Variants in KALRN observed in about 807,000 individuals in gnomAD.
KALRN encodes kalirin.
A neutral mutation model predicts 353.7 loss-of-function variants in KALRN; 70 were observed. The observed-to-expected ratio is 0.20, with a 90% CI of 0.16 to 0.24. The LOEUF (loss-of-function observed/expected upper bound fraction) is 0.24. Ranked by LOEUF, KALRN falls within the 10% of genes least tolerant of loss-of-function variation. KALRN has a pLI of 1.00. For synonymous variants in KALRN, 1,391 were observed against 1,434.8 expected, an observed-to-expected ratio of 0.97 and a Z score of 0.69; for missense variants, 2,791 against 3,756.7, an observed-to-expected ratio of 0.74 and a Z score of 6.72.
intron 1 of KALRN, among the ~76,000 whole-genome samples, chr3:124,108,044 T>C (rs1434221753): frequency 6.6e-6 from 1 of 152,200 alleles, no homozygotes; most frequent in African/African-American, 2.4e-5. Context: ...ATATATAAGA[T>C]AATGGGAGCC....
At chr3:124,194,809 G>C (rs546654697) in intron 1 of KALRN, among the ~76,000 whole-genome samples, 1 of 152,048 alleles carries the variant, frequency 6.6e-6, no homozygotes. Context: ...TCAGATTTCA[G>C]CTTGGCCCTG....
intron 33 of KALRN, among the ~76,000 whole-genome samples, chr3:124,532,173 A>G (rs1389768861): frequency 6.6e-6 from 1 of 152,230 alleles, no homozygotes; most frequent in Non-Finnish European, 1.5e-5. Context: ...CCCCAATAGC[A>G]GAGTCACTGA....
intron 3 of KALRN, among the ~76,000 whole-genome samples, chr3:124,238,365 A>G (rs1429476111): frequency 6.6e-6 from 1 of 152,198 alleles, no homozygotes; most frequent in African/African-American, 2.4e-5. Context: ...CCCACATGGA[A>G]GCTGTCTAGC....
intron 34 of KALRN, among the ~76,000 whole-genome samples, chr3:124,621,977 A>G (rs2079321629): frequency 6.6e-6 from 1 of 152,252 alleles, no homozygotes. Context: ...TTCTCTAGAT[A>G]TTCAATTTCC....
intron 38 of KALRN, among the ~76,000 whole-genome samples, chr3:124,653,130 G>A (rs1044094035): frequency 2.6e-5 from 4 of 152,146 alleles, no homozygotes; most frequent in African/African-American, 9.7e-5. Context: ...TTATGGTCTT[G>A]ATGAAAGGGT....
At chr3:124,235,267 G>C (rs567072328) in intron 3 of KALRN, among the ~76,000 whole-genome samples, 3 of 152,118 alleles carry the variant, frequency 2.0e-5, no homozygotes, top group Admixed American at 2.0e-4. Context: ...AGTGAAAATT[G>C]GTTCTTGGGG....
chr3:124,294,900 A>G (rs955779703), intron 5 of KALRN, among the ~76,000 whole-genome samples: 6 of 152,142 alleles, frequency 3.9e-5, no homozygotes, highest in South Asian at 2.1e-4. Context: ...GCAAACCACT[A>G]TCTCTTCAAA....
At chr3:124,591,409 G>T (rs1044492969) in intron 34 of KALRN, among the ~76,000 whole-genome samples, 2 of 152,118 alleles carry the variant, frequency 1.3e-5, no homozygotes, top group Non-Finnish European at 2.9e-5. Flanking sequence ...AAGTGCTGAG[G>T]TTACAGGTGT....
intron 6 of KALRN, among the ~76,000 whole-genome samples, chr3:124,301,463 G>C (rs143077482): frequency 6.6e-6 from 1 of 152,246 alleles, no homozygotes. Context: ...GGCTTCCTTG[G>C]CCTGATTAGG....
At chr3:124,718,448 T>C (rs964052346) in intron 59 of KALRN, among the ~76,000 whole-genome samples, 1 of 152,156 alleles carries the variant, frequency 6.6e-6, no homozygotes, top group Non-Finnish European at 1.5e-5. Flanking sequence ...AAAGAGAATC[T>C]GGGCTGTCAC....
chr3:124,650,962 C>T (rs1385195868), intron 38 of KALRN, 24 bp downstream of exon 38: 2 of 1,613,238 alleles, frequency 1.2e-6, no homozygotes, highest in Non-Finnish European at 8.5e-7. Context: ...CCAGTTCCTC[C>T]CTGTGGTGCA....
chr3:124,056,678 A>G (rs574035573), intron 1 of KALRN, among the ~76,000 whole-genome samples: 1 of 152,288 alleles, frequency 6.6e-6, no homozygotes, highest in South Asian at 2.1e-4. Context: ...CACAAAACGT[A>G]CAACAACCTG....
chr3:124,471,867 T>C (rs888180485), intron 25 of KALRN, among the ~76,000 whole-genome samples: 5 of 149,416 alleles, frequency 3.3e-5, no homozygotes, highest in African/African-American at 1.2e-4. Context: ...CTCGGGAGGC[T>C]GAGGCAGGAG....
At chr3:124,630,849 C>T (rs1487339472) in intron 34 of KALRN, among the ~76,000 whole-genome samples, 2 of 152,052 alleles carry the variant, frequency 1.3e-5, no homozygotes, top group Non-Finnish European at 2.9e-5. Flanking sequence ...CAAAACAAAA[C>T]AAACTCTTGT....
Position 124,193,218 on chromosome 3 carries a change from G to A in KALRN, c.74-34772G>A, listed in dbSNP as rs147769066. On this transcript the variant is annotated intron_variant, in intron 1 of 59. Transcript: ENST00000682506. Reference sequence around the variant, plus strand: ...GCTGGCAGAGTTTAGCCAGCGGAAAGCCCTGTTGGGAGATTGAAGAGTGGA... The same window carrying A: ...GCTGGCAGAGTTTAGCCAGCGGAAAACCCTGTTGGGAGATTGAAGAGTGGA... Among the ~76,000 whole-genome samples, 305 of 152,232 alleles carry A rather than the reference G, an allele frequency of 2.0e-3. 1 individual carries two copies. The highest frequency in any genetic ancestry group is 6.9e-3 in the African/African-American group (287 of 41,530).
chr3:124,649,998 T>G (rs1043397882), intron 37 of KALRN, among the ~76,000 whole-genome samples: 2 of 147,786 alleles, frequency 1.4e-5, no homozygotes, highest in South Asian at 2.1e-4. Context: ...ATAATAATAA[T>G]AATAATAAAG....
At chr3:124,152,743 G>A (rs1048387979) in intron 1 of KALRN, among the ~76,000 whole-genome samples, 4 of 151,592 alleles carry the variant, frequency 2.6e-5, no homozygotes, top group African/African-American at 4.8e-5. Context: ...ACAGGCTCCT[G>A]CTACTGTGGC....
intron 1 of KALRN, among the ~76,000 whole-genome samples, chr3:124,044,614 C>CAAA (rs758755114): frequency 8.9e-5 from 6 of 67,266 alleles, no homozygotes; most frequent in Admixed American, 6.4e-4. Flanking sequence ...ACTCTGTCTC[C>CAAA]AAAAAAAAAA....
intron 34 of KALRN, among the ~76,000 whole-genome samples, chr3:124,616,740 C>A (rs138831827): frequency 6.6e-6 from 1 of 151,990 alleles, no homozygotes; most frequent in South Asian, 2.1e-4. Flanking sequence ...CCGAGGTGGG[C>A]GGATCATGAG....
Sources: gnomAD v4.1 joint callset for allele counts (sites outside exome capture counted in the v4.1 genomes callset) on GRCh38, gnomAD v4.1.1 for gene constraint, MANE v1.5 for transcripts, NCBI Gene and HGNC (gene_info 2026-07-23, HGNC 2026-07-21) for gene names.